Variants in PXT1 observed in about 807,000 individuals in gnomAD.
The protein encoded by PXT1 is peroxisomal testis-specific protein 1.
In PXT1, 11 loss-of-function variants were observed where a neutral mutation model predicts 11.0. The ratio of observed to expected loss-of-function variants is 1.00; its 90% confidence interval spans 0.63 to 1.66. The LOEUF is 1.66. PXT1 is among the 40% of genes most tolerant of loss of function. The pLI is 0.00. For missense variants in PXT1, 141 were observed against 155.5 expected, an observed-to-expected ratio of 0.91 and a Z score of 0.49; for synonymous variants, 43 against 51.4, an observed-to-expected ratio of 0.84 and a Z score of 0.70.
rs972458189 is a variant in PXT1, at chr6:36,442,645, G to C, written c.-240C>G. ...GAGCAAATGCGTTTAAGCAACTCCA[G>C]TATTCTTACTACGCTACCTCCAACC... On this transcript the variant is annotated 5_prime_UTR_variant, in exon 1 of 5. Transcript: ENST00000454782. 3.3e-5 allele frequency: 5 copies of C among 152,192 alleles called. No homozygotes were observed. Among genetic ancestry groups the C allele is most frequent in the Non-Finnish European group, 7.3e-5 (5 of 68,034 alleles). The allele number at this position is 152,192 out of a possible 1,614,324, so 9.4% of individuals were successfully genotyped here. A position where few individuals can be genotyped will look rare whatever the true frequency, so the allele number is the denominator to read the frequency against.
intron 3 of PXT1, among the ~76,000 whole-genome samples, chr6:36,420,117 A>G (rs547706548): frequency 6.6e-6 from 1 of 152,364 alleles, no homozygotes; most frequent in East Asian, 1.9e-4. Context: ...AAAAGCCTGG[A>G]GATACTCTCA....
At chr6:36,406,325 G>T (rs1275584529) in intron 3 of PXT1, among the ~76,000 whole-genome samples, 1 of 152,124 alleles carries the variant, frequency 6.6e-6, no homozygotes, top group Non-Finnish European at 1.5e-5. Flanking sequence ...GGTCACTCAG[G>T]TTCCTCTCTG....
At chr6:36,396,330 T>G (rs1774143771) in intron 4 of PXT1, among the ~76,000 whole-genome samples, 1 of 152,094 alleles carries the variant, frequency 6.6e-6, no homozygotes, top group African/African-American at 2.4e-5. Context: ...GCTCCCTGGG[T>G]GCCACTGTGG....
intron 2 of PXT1, among the ~76,000 whole-genome samples, chr6:36,430,779 A>C (rs995851335): frequency 1.3e-5 from 2 of 152,108 alleles, no homozygotes; most frequent in African/African-American, 4.8e-5. Flanking sequence ...TTGTTAGTAA[A>C]TTGTCGTTTT....
rs755650549 is a variant in PXT1, at chr6:36,400,461, A to G, written c.293T>C (p.Val98Ala). The change falls in exon 4 of 5, where the codon GTT becomes GCT. Residue 98 changes from valine to alanine, a missense_variant. Transcript: ENST00000454782. ...GGGAAACTGAAGCCTCACCTCTCGA[A>G]CCATCCTATGATCAATGTTGTCCCC... ...HIGDNIDHRM[V>A]REDLQQDGRD... is the part of the protein sequence containing the mutation. 20 of 1,613,512 alleles carry G rather than the reference A, an allele frequency of 1.2e-5. No individual in the cohort carries two copies. Among genetic ancestry groups the G allele is most frequent in the Non-Finnish European group, 4.2e-6 (5 of 1,179,682 alleles).
At chr6:36,429,012 A>T (rs890288960) in intron 2 of PXT1, among the ~76,000 whole-genome samples, 8 of 151,748 alleles carry the variant, frequency 5.3e-5, no homozygotes, top group Non-Finnish European at 8.8e-5. Context: ...TATGCCTGGA[A>T]TCCCAGTACT....
chr6:36,391,536 T>A lies in PXT1; in HGVS notation c.*234A>T. On this transcript the variant is annotated 3_prime_UTR_variant, in exon 5 of 5. Coordinates refer to ENST00000454782, the MANE Select transcript of PXT1 (RefSeq NM_152990.4). ...CAGCAAGGCTTCCTGGGGTCCTAATTACTCCTTGGGCTTTACCGTGATGTG... is the reference window on the plus strand; with the variant it reads ...CAGCAAGGCTTCCTGGGGTCCTAATAACTCCTTGGGCTTTACCGTGATGTG... The A allele has an allele frequency of 2.0e-6, 1 of 511,256 alleles. No homozygotes were observed. Among genetic ancestry groups the A allele is most frequent in the Non-Finnish European group, 3.5e-6 (1 of 288,694 alleles). 31.7% of individuals were successfully genotyped at this position (511,256 alleles called of 1,614,324 possible). A position where few individuals can be genotyped will look rare whatever the true frequency, so the allele number is the denominator to read the frequency against.
intron 3 of PXT1, among the ~76,000 whole-genome samples, chr6:36,418,904 A>AG (rs922739075): frequency 1.8e-4 from 27 of 152,262 alleles, no homozygotes; most frequent in Non-Finnish European, 2.9e-4. Context: ...AAAGAGTGGC[A>AG]GGGGGGAGAT....
rs757751163 is a variant in PXT1, at chr6:36,390,562, A to G, written c.*1208T>C. 5.9e-5 allele frequency: 9 copies of G among 152,236 alleles called. No homozygotes were observed. Among genetic ancestry groups the G allele is most frequent in the Non-Finnish European group, 1.2e-4 (8 of 68,040 alleles). The allele number at this position is 152,236 out of a possible 1,614,324, so 9.4% of individuals were successfully genotyped here. ...AATATGCACAGGGGTTTCATGCTCA[A>G]TAAAATAACAATATTTATTTCATTT... On this transcript the variant is annotated 3_prime_UTR_variant, in exon 5 of 5. Coordinates refer to ENST00000454782, the MANE Select transcript of PXT1 (RefSeq NM_152990.4).
In PXT1 at chr6:36,418,526, T is replaced by G. The variant is rs892562701; in HGVS notation, c.169+7388A>C. Among the ~76,000 whole-genome samples the G allele has an allele frequency of 1.4e-4, 22 of 152,194 alleles. 1 individual carries two copies. Among genetic ancestry groups the G allele is most frequent in the Non-Finnish European group, 2.9e-5 (2 of 68,046 alleles). On this transcript the variant is annotated intron_variant, in intron 3 of 4. Coordinates refer to ENST00000454782, the MANE Select transcript of PXT1 (RefSeq NM_152990.4). ...AGCTCTCTGTACTAGTTGATTTGTT[T>G]CCATGAACCTGAGTTGCTTTGATTT...
At chr6:36,402,581 A>G (rs1465352418) in intron 3 of PXT1, among the ~76,000 whole-genome samples, 1 of 152,234 alleles carries the variant, frequency 6.6e-6, no homozygotes, top group Non-Finnish European at 1.5e-5. Context: ...CTTGAAGGAT[A>G]AAGGATGACT....
intron 3 of PXT1, among the ~76,000 whole-genome samples, chr6:36,419,689 A>G (rs534563072): frequency 6.6e-6 from 1 of 152,362 alleles, no homozygotes; most frequent in South Asian, 2.1e-4. Flanking sequence ...TTAGGGTTGT[A>G]TGAAAAAGGC....
At chr6:36,402,669 A>G (rs1300468930) in intron 3 of PXT1, among the ~76,000 whole-genome samples, 4 of 152,220 alleles carry the variant, frequency 2.6e-5, no homozygotes, top group Admixed American at 2.6e-4. Context: ...AGGCAGAAGG[A>G]TCAAGTGAGC....
At chr6:36,436,113 C>CAAAAAAAAAAAAAAAAAAAAAAGAAAGA (rs11294829) in intron 2 of PXT1, among the ~76,000 whole-genome samples, 1 of 60,094 alleles carries the variant, frequency 1.7e-5, no homozygotes, top group African/African-American at 6.2e-5. Flanking sequence ...AAAAGTAAGC[C>CAAAAAAAAAAAAAAAAAAAAAAGAAAGA]AAAAAAAAAA....
In PXT1 at chr6:36,442,569, G is replaced by C. The variant is rs1257179841; in HGVS notation, c.-164C>G. ...ACTCAGTATTTGAGAAAAATGTGGAGTTTTTCCCCCTTTCTTTTGGCCAGA... is the reference window on the plus strand; with the variant it reads ...ACTCAGTATTTGAGAAAAATGTGGACTTTTTCCCCCTTTCTTTTGGCCAGA... On this transcript the variant is annotated 5_prime_UTR_variant, in exon 1 of 5. Coordinates refer to ENST00000454782, the MANE Select transcript of PXT1 (RefSeq NM_152990.4). 6.6e-6 allele frequency: 1 copy of C among 152,148 alleles called. No homozygotes were observed. Among genetic ancestry groups the C allele is most frequent in the African/African-American group, 2.4e-5 (1 of 41,430 alleles). 9.4% of individuals were successfully genotyped at this position (152,148 alleles called of 1,614,324 possible).
At chr6:36,404,814 C>T (rs1405404926) in intron 3 of PXT1, among the ~76,000 whole-genome samples, 4 of 151,976 alleles carry the variant, frequency 2.6e-5, no homozygotes, top group Non-Finnish European at 5.9e-5. Flanking sequence ...AAAAATTAGC[C>T]GGGCGTGGTG....
intron 3 of PXT1, among the ~76,000 whole-genome samples, chr6:36,404,915 C>T (rs1456400754): frequency 1.3e-5 from 2 of 152,198 alleles, no homozygotes; most frequent in Non-Finnish European, 2.9e-5. Context: ...CACGATTGCG[C>T]CACTGGACTC....
At chr6:36,396,572 C>T (rs1295749278) in intron 4 of PXT1, among the ~76,000 whole-genome samples, 3 of 152,314 alleles carry the variant, frequency 2.0e-5, no homozygotes, top group Admixed American at 1.3e-4. Context: ...CAGTGAGACC[C>T]CACCTTCAGG....
At chr6:36,413,159 C>A (rs533499354) in intron 3 of PXT1, among the ~76,000 whole-genome samples, 14 of 152,238 alleles carry the variant, frequency 9.2e-5, no homozygotes, top group South Asian at 8.3e-4. Context: ...TGGCTCACGC[C>A]GGTAATCCCA....
Sources: allele counts gnomAD v4.1 joint callset (sites outside exome capture counted in the v4.1 genomes callset), GRCh38; gene constraint gnomAD v4.1.1; transcripts MANE v1.5; gene names NCBI Gene and HGNC (gene_info 2026-07-23, HGNC 2026-07-21).